Variants in KSR2 observed in about 807,000 individuals in gnomAD.
KSR2 encodes kinase suppressor of ras 2.
KSR2 carries 25 observed loss-of-function variants against 107.8 expected under a neutral mutation model. The ratio of observed to expected loss-of-function variants is 0.23; its 90% CI spans 0.17 to 0.32. The LOEUF (loss-of-function observed/expected upper bound fraction) is 0.32. KSR2 is among the 10% of genes least tolerant of loss of function. KSR2 has a pLI of 1.00. For synonymous variants in KSR2, 480 were observed against 507.0 expected (o/e 0.95, Z 0.71); for missense variants, 887 against 1,268.9 (o/e 0.70, Z 4.57).
At chr12:117,876,320 C>A (rs1893848591) in intron 1 of KSR2, among the ~76,000 whole-genome samples, 1 of 152,206 alleles carries the variant, frequency 6.6e-6, no homozygotes. Flanking sequence ...GGCTGGAGGC[C>A]TGGGAGAGGC....
intron 14 of KSR2, among the ~76,000 whole-genome samples, chr12:117,492,823 G>C (rs12306412): frequency 0.11 from 15,962 of 152,006 alleles, 1,337 homozygotes; most frequent in African/African-American, 0.23. Context: ...TGGGGGAGAA[G>C]GACTCAACCC....
At chr12:117,656,981 G>T (rs1275593542) in intron 5 of KSR2, among the ~76,000 whole-genome samples, 23 of 98,184 alleles carry the variant, frequency 2.3e-4, no homozygotes, top group African/African-American at 3.5e-4. Flanking sequence ...TATATAATAG[G>T]ATATATATAT....
chr12:117,952,405 T>C (rs1197797792), intron 1 of KSR2, among the ~76,000 whole-genome samples: 3 of 152,318 alleles, frequency 2.0e-5, no homozygotes, highest in Middle Eastern at 3.4e-3. Context: ...TCCCAGCACT[T>C]TGGGAGGCCA....
chr12:117,941,298 G>A (rs1363066146), intron 1 of KSR2, among the ~76,000 whole-genome samples: 1 of 151,564 alleles, frequency 6.6e-6, no homozygotes, highest in African/African-American at 2.4e-5. Flanking sequence ...CTGGCCCCCA[G>A]AATCACTGTG....
intron 1 of KSR2, among the ~76,000 whole-genome samples, chr12:117,950,737 TAAAAAAA>T (rs1183707257): frequency 2.3e-5 from 3 of 127,764 alleles, no homozygotes; most frequent in Admixed American, 7.9e-5. Flanking sequence ...CAAGACTCTG[TAAAAAAA>T]AAAAAAATAA....
intron 3 of KSR2, among the ~76,000 whole-genome samples, chr12:117,772,253 T>C (rs1247879307): frequency 2.3e-4 from 9 of 38,866 alleles, no homozygotes; most frequent in Admixed American, 3.3e-4. Context: ...CACTCACACA[T>C]ACACACCATT....
At chr12:117,893,920 T>G (rs1430863425) in intron 1 of KSR2, among the ~76,000 whole-genome samples, 1 of 150,786 alleles carries the variant, frequency 6.6e-6, no homozygotes, top group East Asian at 1.9e-4. Flanking sequence ...TTTTTTTTTT[T>G]TTTTTTTGAG....
chr12:117,697,153 T>C lies in KSR2; in HGVS notation c.987-29495A>G, dbSNP rs373953890. On this transcript the variant is annotated intron_variant, in intron 4 of 19. Transcript: ENST00000339824. Reference sequence around the variant, plus strand: ...CTCCCCCTCGAGATGGAAGGTTCCCTATCAGCTCAGGAAGGACAGCGTCCC... The same window carrying C: ...CTCCCCCTCGAGATGGAAGGTTCCCCATCAGCTCAGGAAGGACAGCGTCCC... 2.6e-4 allele frequency among the ~76,000 whole-genome samples: 40 copies of C among 152,348 alleles called. No homozygotes were observed. In the South Asian group the frequency reaches 7.9e-3, roughly 30 times the overall value.
chr12:117,922,810 T>A (rs949634125), intron 1 of KSR2, among the ~76,000 whole-genome samples: 5 of 152,164 alleles, frequency 3.3e-5, no homozygotes, highest in African/African-American at 1.2e-4. Flanking sequence ...GAATGGAGAA[T>A]AAAGAAAATA....
chr12:117,792,978 C>T (rs571156575), intron 3 of KSR2, among the ~76,000 whole-genome samples: 31 of 143,476 alleles, frequency 2.2e-4, no homozygotes, highest in African/African-American at 7.1e-4. Flanking sequence ...CATGCACACA[C>T]TCTCACACCA....
chr12:117,777,091 T>C (rs1039807144), intron 3 of KSR2, among the ~76,000 whole-genome samples: 7 of 103,062 alleles, frequency 6.8e-5, no homozygotes, highest in South Asian at 3.4e-4. Context: ...ATATATTTTA[T>C]ATATATATAT....
intron 5 of KSR2, among the ~76,000 whole-genome samples, chr12:117,633,866 G>T (rs1447104983): frequency 2.6e-5 from 4 of 152,178 alleles, no homozygotes; most frequent in African/African-American, 7.2e-5. Flanking sequence ...AATTTCACCT[G>T]CACTGTGCTC....
chr12:117,730,116 G>A (rs558911529), intron 4 of KSR2, among the ~76,000 whole-genome samples: 1 of 152,266 alleles, frequency 6.6e-6, no homozygotes, highest in South Asian at 2.1e-4. Flanking sequence ...ATATGTCATT[G>A]AATAGGTGCG....
Position 117,780,240 on chromosome 12 carries a change from T to A in KSR2, c.473-18716A>T, listed in dbSNP as rs549221147. ...ACCCAAAAGAATTGAAAGAAGGGAC[T>A]TAAACAGATATTTATACACCAATGT... On this transcript the variant is annotated intron_variant, in intron 3 of 19. Transcript: ENST00000339824. Among the ~76,000 whole-genome samples the A allele has an allele frequency of 5.3e-5, 8 of 152,304 alleles. No homozygotes were observed. In the South Asian group the frequency reaches 1.7e-3, roughly 32 times the overall value.
rs1239691160 is a variant in KSR2, at chr12:117,842,913, C to G, written c.472+12515G>C. On this transcript the variant is annotated intron_variant, in intron 3 of 19. Transcript: ENST00000339824. This position sits in a 1 kb window ranked among gnomAD's most constrained non-coding sequence, Gnocchi z 4.2. Reference sequence around the variant, plus strand: ...TGGAGAGGAAAACATCCTGCCCCTCCCTCCACCCCTGCCTTAGTGGGGACC... The same window carrying G: ...TGGAGAGGAAAACATCCTGCCCCTCGCTCCACCCCTGCCTTAGTGGGGACC... Among the ~76,000 whole-genome samples, 1 of 152,132 alleles carries G rather than the reference C, an allele frequency of 6.6e-6. No homozygotes were observed. The highest frequency in any genetic ancestry group is 2.4e-5 in the African/African-American group (1 of 41,420).
At chr12:117,723,168 C>A (rs1263963544) in intron 4 of KSR2, among the ~76,000 whole-genome samples, 1 of 152,200 alleles carries the variant, frequency 6.6e-6, no homozygotes, top group Non-Finnish European at 1.5e-5. Context: ...ACCGAAGAAT[C>A]AAACCAAACC....
At chr12:117,812,245 CTT>C (rs1891214161) in intron 3 of KSR2, among the ~76,000 whole-genome samples, 1 of 152,106 alleles carries the variant, frequency 6.6e-6, no homozygotes, top group African/African-American at 2.4e-5. Flanking sequence ...ATTTCTAAGA[CTT>C]AACACAAAAT....
intron 14 of KSR2, among the ~76,000 whole-genome samples, chr12:117,503,644 G>A (rs893348273): frequency 6.6e-6 from 1 of 152,172 alleles, no homozygotes; most frequent in Non-Finnish European, 1.5e-5. Flanking sequence ...TCTGAGTAGC[G>A]AGAAATAAAT....
At chr12:117,706,234 G>C (rs191384332) in intron 4 of KSR2, among the ~76,000 whole-genome samples, 6 of 151,634 alleles carry the variant, frequency 4.0e-5, no homozygotes, top group African/African-American at 1.2e-4. Context: ...AGTAGAGATG[G>C]GGTTTCACCA....
Sources: allele counts gnomAD v4.1 joint callset (sites outside exome capture counted in the v4.1 genomes callset), GRCh38; gene constraint gnomAD v4.1.1; non-coding constraint Gnocchi (gnomAD v3.1); transcripts MANE v1.5; gene names NCBI Gene and HGNC (gene_info 2026-07-23, HGNC 2026-07-21).